Variants in CPNE6 observed in about 807,000 individuals in gnomAD.
CPNE6 encodes the protein copine-6.
Under a neutral mutation model 71.5 loss-of-function variants are expected in CPNE6, and 33 were observed. That is an observed-to-expected ratio of 0.46 (90% CI 0.35 to 0.62). CPNE6 has a LOEUF of 0.62. Ranked by LOEUF, CPNE6 falls within the 20% of genes least tolerant of loss-of-function variation. The probability of loss-of-function intolerance (pLI) is 0.00; values close to 1 mark genes in which losing one functional copy is unlikely to be tolerated. For missense variants in CPNE6, 576 were observed against 747.3 expected, an observed-to-expected ratio of 0.77 and a Z score of 2.67; for synonymous variants, 296 against 293.0, an observed-to-expected ratio of 1.01 and a Z score of -0.10.
chr14:24,077,600 C>A lies in CPNE6; in HGVS notation c.1544C>A (p.Pro515His). 6.3e-7 allele frequency: 1 copy of A among 1,583,178 alleles called. No individual in the cohort carries two copies. Among genetic ancestry groups the A allele is most frequent in the Non-Finnish European group, 8.6e-7 (1 of 1,163,606 alleles). ...TCACTGTCCCCACCCTAGGCTGCCC[C>A]CTCTGCACTCGCCAAGTGTGTCCTG... Residue 515 changes from proline (P) to histidine (H), a missense_variant, in exon 17 of 18, where the codon CCC becomes CAC. Coordinates refer to ENST00000397016, the Ensembl canonical transcript of CPNE6. The surrounding 1 kb of genome is among the most constrained non-coding windows in gnomAD (Gnocchi z 6.1).
At position 24,074,374 on chromosome 14, in the gene CPNE6, C is replaced by T. The variant is rs770064291; in HGVS notation, c.498+9C>T. ...ACAAGCTGGACAACAAGGTTGGAAC[C>T]CCAGAGTCCAGGCCCCCAACTCCCC... On this transcript the variant is annotated intron_variant, in intron 6 of 17. Transcript: ENST00000397016. The surrounding 1 kb of genome is among the most constrained non-coding windows in gnomAD (Gnocchi z 4.5). 4 of 1,551,452 alleles carry T rather than the reference C, an allele frequency of 2.6e-6. No individual in the cohort carries two copies. The East Asian group carries it at 9.0e-5, about 35-fold the overall frequency.
In CPNE6 at chr14:24,077,538, C is replaced by T. The variant is rs1211001074; in HGVS notation, c.1537-55C>T. On this transcript the variant is annotated intron_variant, in intron 16 of 17. Transcript: ENST00000397016. The surrounding 1 kb of genome is among the most constrained non-coding windows in gnomAD (Gnocchi z 6.1). ...AAGCCCCACTTCTCCCTCAGATGAC[C>T]CTGCCTCCCCTACTCTTCCTCTCAC... The T allele has an allele frequency of 2.5e-6, 4 of 1,589,878 alleles. No homozygotes were observed. The African/African-American group carries it at 5.4e-5, about 21-fold the overall frequency.
In CPNE6 at chr14:24,075,671, C is replaced by T. The variant is rs1286749564; in HGVS notation, c.864+80C>T. The T allele has an allele frequency of 7.1e-7, 1 of 1,410,182 alleles. No homozygotes were observed. The highest frequency in any genetic ancestry group is 1.4e-5 in the African/African-American group (1 of 70,328). The allele number at this position is 1,410,182 out of a possible 1,614,324, so 87.4% of individuals were successfully genotyped here. On this transcript the variant is annotated intron_variant, in intron 10 of 17. Transcript: ENST00000397016. The surrounding 1 kb of genome is among the most constrained non-coding windows in gnomAD (Gnocchi z 4.3). ...CTCAGGTTCAACCCTTCCCTTGTTT[C>T]AAAGACCAGTTTCTCTGCTTCTGGG... is the stretch of plus-strand genomic sequence containing the variant.
chr14:24,073,228 G>T lies in CPNE6; in HGVS notation c.168+124G>T. 1 of 1,119,414 alleles carries T rather than the reference G, an allele frequency of 8.9e-7. No individual in the cohort carries two copies. The highest frequency in any genetic ancestry group is 1.2e-6 in the Non-Finnish European group (1 of 838,274). The allele number at this position is 1,119,414 out of a possible 1,614,324, so 69.3% of individuals were successfully genotyped here. On this transcript the variant is annotated intron_variant, in intron 3 of 17. Coordinates refer to ENST00000397016, the Ensembl canonical transcript of CPNE6. This position sits in a 1 kb window ranked among gnomAD's most constrained non-coding sequence, Gnocchi z 5.5. Reference sequence around the variant, plus strand: ...GACTCTGCGGCGCCTTCTCGAGGCCGCTTGGGTACCCTGGAGATGGTGTCC... The same window carrying T: ...GACTCTGCGGCGCCTTCTCGAGGCCTCTTGGGTACCCTGGAGATGGTGTCC...
rs1485283301 is a variant in CPNE6 at position 24,077,861 on chromosome 14, G to A, written c.*38-27G>A. 2 of 1,006,228 alleles carry A rather than the reference G, an allele frequency of 2.0e-6. No homozygotes were observed. The highest frequency in any genetic ancestry group is 3.3e-5 in the African/African-American group (2 of 61,234). The allele number at this position is 1,006,228 out of a possible 1,614,324, so 62.3% of individuals were successfully genotyped here. A position where few individuals can be genotyped will look rare whatever the true frequency, so the allele number is the denominator to read the frequency against. ...GGCTGGGTGTAGTGTAGAAGAGAGT[G>A]CTTATGACTCTCCCACCCCCTCCCA... is the stretch of plus-strand genomic sequence containing the variant. On this transcript the variant is annotated intron_variant, in intron 17 of 17. Coordinates refer to ENST00000397016, the Ensembl canonical transcript of CPNE6. The surrounding 1 kb of genome is among the most constrained non-coding windows in gnomAD (Gnocchi z 6.1).
At chr14:24,071,843 A>G in intron 2 of CPNE6, 1 of 531,930 alleles carries the variant, frequency 1.9e-6, no homozygotes. Context: ...CCCAGCCCAG[A>G]CCCTCCCTCA....
Position 24,077,489 on chromosome 14 carries a change from G to A in CPNE6, c.1536+99G>A, listed in dbSNP as rs758726245. 57 of 1,565,382 alleles carry A rather than the reference G, an allele frequency of 3.6e-5. No individual in the cohort carries two copies. Among genetic ancestry groups the A allele is most frequent in the Non-Finnish European group, 4.1e-5 (47 of 1,137,180 alleles). Reference sequence around the variant, plus strand: ...CACCATTTGATGTCCTGCTAAGGACGCGGGAGCCCAGCTGGCCACCCTGAA... The same window carrying A: ...CACCATTTGATGTCCTGCTAAGGACACGGGAGCCCAGCTGGCCACCCTGAA... On this transcript the variant is annotated intron_variant, in intron 16 of 17. Transcript: ENST00000397016. This position sits in a 1 kb window ranked among gnomAD's most constrained non-coding sequence, Gnocchi z 6.1.
At chr14:24,076,216 C>A (rs1168061005) in exon 12 of CPNE6, 2 of 1,614,106 alleles carry the variant, frequency 1.2e-6, no homozygotes, top group Non-Finnish European at 1.7e-6. Flanking sequence ...TGCCTCAGTC[C>A]CCGACAGCCC....
chr14:24,077,488 C>G lies in CPNE6; in HGVS notation c.1536+98C>G. The stretch of plus-strand genomic sequence containing the variant: ...CCACCATTTGATGTCCTGCTAAGGA[C>G]GCGGGAGCCCAGCTGGCCACCCTGA... On this transcript the variant is annotated intron_variant, in intron 16 of 17. Transcript: ENST00000397016. The surrounding 1 kb of genome is among the most constrained non-coding windows in gnomAD (Gnocchi z 6.1). The G allele has an allele frequency of 6.4e-7, 1 of 1,566,892 alleles. No individual in the cohort carries two copies. The highest frequency in any genetic ancestry group is 8.8e-7 in the Non-Finnish European group (1 of 1,138,524).
chr14:24,077,389 A>G lies in CPNE6; in HGVS notation c.1535A>G (p.Asp512Gly). ...TTCGTGCCCTTCCGAGACTTCAAGG[A>G]TGTGAGTCCCCCGGGCCCCTTCCGG... Residue 512 changes from aspartate (D) to glycine (G), a missense_variant and splice_region_variant, in exon 16 of 18, where the codon GAT (aspartate) becomes GGT (glycine). Around this residue, in one of 4 missense-constraint regions of CPNE6, gnomAD observed 264 missense variants for 339.9 expected, o/e 0.78. Transcript: ENST00000397016. The surrounding 1 kb of genome is among the most constrained non-coding windows in gnomAD (Gnocchi z 6.1). 6.2e-7 allele frequency: 1 copy of G among 1,613,434 alleles called. No individual in the cohort carries two copies. The highest frequency in any genetic ancestry group is 8.5e-7 in the Non-Finnish European group (1 of 1,179,636).
chr14:24,076,000 T>G lies in CPNE6; in HGVS notation c.924+114T>G. ...CTTGGGCTGCTCATGAGCCTTCGCA[T>G]TGTCAGCTTATGCACCCCCACATCA... On this transcript the variant is annotated intron_variant, in intron 11 of 17. Transcript: ENST00000397016. This position sits in a 1 kb window ranked among gnomAD's most constrained non-coding sequence, Gnocchi z 4.3. 2 of 1,505,608 alleles carry G rather than the reference T, an allele frequency of 1.3e-6. No individual in the cohort carries two copies. Among genetic ancestry groups the G allele is most frequent in the South Asian group, 1.2e-5 (1 of 85,688 alleles). The allele number at this position is 1,505,608 out of a possible 1,614,324, so 93.3% of individuals were successfully genotyped here. A position where few individuals can be genotyped will look rare whatever the true frequency, so the allele number is the denominator to read the frequency against.
Position 24,077,683 on chromosome 14 carries a change from G to C in CPNE6, c.1627G>C (p.Ala543Pro). 1 of 1,583,924 alleles carries C rather than the reference G, an allele frequency of 6.3e-7. No homozygotes were observed. Among genetic ancestry groups the C allele is most frequent in the Non-Finnish European group, 8.6e-7 (1 of 1,165,664 alleles). ...CGCCAGCCAGGGCATCAGCCCTGGGGCTCCCAGGCCCTGCACACTGGCTAC... is the reference window on the plus strand; with the variant it reads ...CGCCAGCCAGGGCATCAGCCCTGGGCCTCCCAGGCCCTGCACACTGGCTAC... Residue 543 changes from alanine to proline, a missense_variant, in exon 17 of 18, where the codon GCT becomes CCT. Physicochemically the swap from Ala to Pro is conservative, Grantham distance 27 (BLOSUM62 -1). Coordinates refer to ENST00000397016, the Ensembl canonical transcript of CPNE6. This position sits in a 1 kb window ranked among gnomAD's most constrained non-coding sequence, Gnocchi z 6.1.
chr14:24,076,287 G>C lies in CPNE6; in HGVS notation c.1058+5G>C, dbSNP rs2036059704. Reference sequence around the variant, plus strand: ...CATCTGCCAGGACTATGACAGGTAGGAGAGAGTGGGGCGGGAGGGAACAGG... The same window carrying C: ...CATCTGCCAGGACTATGACAGGTAGCAGAGAGTGGGGCGGGAGGGAACAGG... On this transcript the variant is annotated splice_donor_5th_base_variant and intron_variant, in intron 12 of 17. Transcript: ENST00000397016. 1 of 1,614,216 alleles carries C rather than the reference G, an allele frequency of 6.2e-7. No individual in the cohort carries two copies. The highest frequency in any genetic ancestry group is 2.2e-5 in the East Asian group (1 of 44,886).
chr14:24,073,264 T>C lies in CPNE6; in HGVS notation c.168+160T>C. ...CTGGAGATGGTGTCCCAGAGGGTCC[T>C]GAGATTGACCCAGAGGCAGTGGGGT... On this transcript the variant is annotated intron_variant, in intron 3 of 17. Coordinates refer to ENST00000397016, the Ensembl canonical transcript of CPNE6. This position sits in a 1 kb window ranked among gnomAD's most constrained non-coding sequence, Gnocchi z 5.5. The C allele has an allele frequency of 1.1e-6, 1 of 932,894 alleles. No homozygotes were observed. Among genetic ancestry groups the C allele is most frequent in the African/African-American group, 1.7e-5 (1 of 58,598 alleles). The allele number at this position is 932,894 out of a possible 1,614,324, so 57.8% of individuals were successfully genotyped here. A position where few individuals can be genotyped will look rare whatever the true frequency, so the allele number is the denominator to read the frequency against.
chr14:24,076,644 C>T (rs1217428776), intron 14 of CPNE6, 87 bp downstream of exon 13: 1 of 1,562,010 alleles, frequency 6.4e-7, no homozygotes, highest in African/African-American at 1.4e-5. Context: ...GGCCCAGCTT[C>T]CTGTCCCTTC....
In CPNE6 at chr14:24,074,776, A is replaced by T. The variant is rs375815475; in HGVS notation, c.653A>T (p.Asp218Val). ...TCCCTGCATTCCCTATGCAGCTGTGATGTTCACCGACCTCTCAAGGTGAAG... is the reference window on the plus strand; with the variant it reads ...TCCCTGCATTCCCTATGCAGCTGTGTTGTTCACCGACCTCTCAAGGTGAAG... The change falls in exon 8 of 18, where the codon GAT becomes GTT. Residue 218 changes from aspartate (D) to valine (V), a missense_variant. Asp to Val is a radical substitution (Grantham distance 152). Around this residue, in one of 4 missense-constraint regions of CPNE6, gnomAD observed 214 missense variants for 291.2 expected, o/e 0.73. Coordinates refer to ENST00000397016, the Ensembl canonical transcript of CPNE6. The surrounding 1 kb of genome is among the most constrained non-coding windows in gnomAD (Gnocchi z 4.5). The T allele has an allele frequency of 6.2e-6, 10 of 1,613,350 alleles. No individual in the cohort carries two copies. The highest frequency in any genetic ancestry group is 1.3e-5 in the African/African-American group (1 of 74,982).
rs897636453 is a variant in CPNE6, at chr14:24,077,042, T to A, written c.1299+30T>A. 1.2e-6 allele frequency: 2 copies of A among 1,605,616 alleles called. No homozygotes were observed. Among genetic ancestry groups the A allele is most frequent in the Non-Finnish European group, 1.7e-6 (2 of 1,179,768 alleles). On this transcript the variant is annotated intron_variant, in intron 15 of 17. Transcript: ENST00000397016. This position sits in a 1 kb window ranked among gnomAD's most constrained non-coding sequence, Gnocchi z 6.1. ...GAAGACATGGCGGGCAAACAGGAGC[T>A]GTCCCATGTGTCTTTAAGTGGTGCC...
rs772024661 is a variant in CPNE6 at position 24,077,709 on chromosome 14, G to A, written c.1653G>A (p.Thr551=). Residue 551 remains threonine, a synonymous_variant, in exon 17 of 18, where the codon ACG becomes ACA. Coordinates refer to ENST00000397016, the Ensembl canonical transcript of CPNE6. This position sits in a 1 kb window ranked among gnomAD's most constrained non-coding sequence, Gnocchi z 6.1. ...CTCCCAGGCCCTGCACACTGGCTAC[G>A]ACTCCCAGCCCTAGCCCGTGACTGC... 1.3e-5 allele frequency: 20 copies of A among 1,543,922 alleles called. No homozygotes were observed. The highest frequency in any genetic ancestry group is 1.7e-4 in the Middle Eastern group (1 of 5,738).
At position 24,074,201 on chromosome 14, in the gene CPNE6, G is replaced by T. The variant is rs773946788; in HGVS notation, c.423+76G>T. ...GCATGGACACCTATGGTGACATCAT[G>T]CCCAGGACCACCCCCACCTAAGGGA... On this transcript the variant is annotated intron_variant, in intron 5 of 17. Coordinates refer to ENST00000397016, the Ensembl canonical transcript of CPNE6. The surrounding 1 kb of genome is among the most constrained non-coding windows in gnomAD (Gnocchi z 4.5). The T allele has an allele frequency of 3.8e-6, 6 of 1,595,848 alleles. No homozygotes were observed. The East Asian group carries it at 8.9e-5, about 24-fold the overall frequency.
Sources: gnomAD v4.1 joint callset for allele counts on GRCh38, gnomAD v4.1.1 for gene constraint, gnomAD v4.1.1 regional missense constraint, Gnocchi (gnomAD v3.1) non-coding constraint, MANE v1.5 for transcripts, NCBI Gene and HGNC (gene_info 2026-07-23, HGNC 2026-07-21) for gene names.